PAGR1: variants seen among roughly 807,000 people sequenced by gnomAD.
The protein encoded by PAGR1 is PAXIP1 associated glutamate rich protein 1.
PAGR1 carries 20 observed loss-of-function variants against 22.4 expected under a neutral mutation model. That is an observed-to-expected ratio of 0.89 (90% CI 0.63 to 1.30). The LOEUF (loss-of-function observed/expected upper bound fraction) is 1.30. PAGR1 is among the 50% of genes most tolerant of loss of function. PAGR1 has a pLI of 0.00. For synonymous variants in PAGR1, 161 were observed against 148.3 expected (o/e 1.09, Z -0.62); for missense variants, 338 against 343.6 (o/e 0.98, Z 0.13).
At position 29,819,303 on chromosome 16, in the gene PAGR1, G is replaced by A. The variant is rs113956763; in HGVS notation, c.566-252G>A. ...TTGAACAGAACTCTGTTCTTGTCCT[G>A]GGGCCTCTACCCTTGCCATTCCCCT... On this transcript the variant is annotated intron_variant, in intron 2 of 2. Coordinates refer to ENST00000320330, the MANE Select transcript of PAGR1 (RefSeq NM_024516.4). 856 of 514,110 alleles carry A rather than the reference G, an allele frequency of 1.7e-3. 3 individuals carry two copies. Among genetic ancestry groups the A allele is most frequent in the African/African-American group, 8.5e-3 (446 of 52,414 alleles). 31.8% of individuals were successfully genotyped at this position (514,110 alleles called of 1,614,324 possible).
Position 29,821,516 on chromosome 16 carries a change from C to T in PAGR1, c.*1762C>T, listed in dbSNP as rs1192312860. Reference sequence around the variant, plus strand: ...GGGGAGCAGAGGCTGGGCGCTGGCCCAACTTACAGGAAACACTCACCTTTG... The same window carrying T: ...GGGGAGCAGAGGCTGGGCGCTGGCCTAACTTACAGGAAACACTCACCTTTG... On this transcript the variant is annotated 3_prime_UTR_variant, in exon 3 of 3. Transcript: ENST00000320330. 1.3e-5 allele frequency: 2 copies of T among 152,446 alleles called. No homozygotes were observed. Among genetic ancestry groups the T allele is most frequent in the Non-Finnish European group, 2.9e-5 (2 of 68,244 alleles). The allele number at this position is 152,446 out of a possible 1,614,324, so 9.4% of individuals were successfully genotyped here.
In PAGR1 at chr16:29,819,863, G is replaced by A. The variant is rs1900325044; in HGVS notation, c.*109G>A. The A allele has an allele frequency of 2.4e-6, 3 of 1,232,180 alleles. No homozygotes were observed. In the South Asian group the frequency reaches 4.6e-5, roughly 19 times the overall value. The allele number at this position is 1,232,180 out of a possible 1,614,324, so 76.3% of individuals were successfully genotyped here. ...CTTGGGAAGAAGAGAGAAACCTCAAGCTCCCAAACAGCACGTTGCGGGAAA... is the reference window on the plus strand; with the variant it reads ...CTTGGGAAGAAGAGAGAAACCTCAAACTCCCAAACAGCACGTTGCGGGAAA... On this transcript the variant is annotated 3_prime_UTR_variant, in exon 3 of 3. Coordinates refer to ENST00000320330, the MANE Select transcript of PAGR1 (RefSeq NM_024516.4).
chr16:29,819,346 C>G (rs764944325), intron 2 of PAGR1: 22 of 601,326 alleles, frequency 3.7e-5, no homozygotes, highest in Non-Finnish European at 5.6e-5. Context: ...ATGTTCCTCC[C>G]TGTTCTTCAC....
chr16:29,816,513 G>A lies in PAGR1; in HGVS notation c.-13G>A. The stretch of plus-strand genomic sequence containing the variant: ...CAGTATCTGTCGTCGCAGGGTCCCT[G>A]CCCTAGTGGCCTATGTCCCTTGCTC... On this transcript the variant is annotated 5_prime_UTR_variant, in exon 1 of 3. Transcript: ENST00000320330. 6.7e-7 allele frequency: 1 copy of A among 1,495,220 alleles called. No individual in the cohort carries two copies. Among genetic ancestry groups the A allele is most frequent in the Non-Finnish European group, 8.9e-7 (1 of 1,123,320 alleles). 92.6% of individuals were successfully genotyped at this position (1,495,220 alleles called of 1,614,324 possible).
At position 29,820,554 on chromosome 16, in the gene PAGR1, G is replaced by T. The variant is rs888870431; in HGVS notation, c.*800G>T. On this transcript the variant is annotated 3_prime_UTR_variant, in exon 3 of 3. Transcript: ENST00000320330. ...CCCCCCAAACCCCAAATCAGGGGCA[G>T]ATCTTTGTATCCCTTGAGGCTCTCT... is the stretch of plus-strand genomic sequence containing the variant. 6.6e-6 allele frequency: 1 copy of T among 152,382 alleles called. No homozygotes were observed. The highest frequency in any genetic ancestry group is 6.5e-5 in the Admixed American group (1 of 15,276). 9.4% of individuals were successfully genotyped at this position (152,382 alleles called of 1,614,324 possible).
chr16:29,817,424 C>T, intron 2 of PAGR1, 132 bp downstream of exon 2: 1 of 739,448 alleles, frequency 1.4e-6, no homozygotes, highest in South Asian at 1.6e-5. Flanking sequence ...AGAGTATTCA[C>T]CCAGTAGCAC....
Position 29,817,026 on chromosome 16 carries a change from A to C in PAGR1, c.482+19A>C, listed in dbSNP as rs1304008161. ...AGGAAAAGTAAAGGCACACCCTTAC[A>C]CCTTGTCCCGGGGCTGCTCCCCTGA... On this transcript the variant is annotated intron_variant, in intron 1 of 2. Transcript: ENST00000320330. The C allele has an allele frequency of 6.4e-7, 1 of 1,556,742 alleles. No individual in the cohort carries two copies. Among genetic ancestry groups the C allele is most frequent in the Non-Finnish European group, 8.7e-7 (1 of 1,151,860 alleles).
Position 29,819,469 on chromosome 16 carries a change from G to C in PAGR1, c.566-86G>C, listed in dbSNP as rs1900316108. The C allele has an allele frequency of 3.6e-5, 51 of 1,424,108 alleles. No individual in the cohort carries two copies. In the South Asian group the frequency reaches 5.9e-4, roughly 17 times the overall value. The allele number at this position is 1,424,108 out of a possible 1,614,324, so 88.2% of individuals were successfully genotyped here. The stretch of plus-strand genomic sequence containing the variant: ...GCCTGGGGACCTGCATGTTTAACCA[G>C]CTCCCCAAGTGATGAGTGAGGTCCA... On this transcript the variant is annotated intron_variant, in intron 2 of 2. Coordinates refer to ENST00000320330, the MANE Select transcript of PAGR1 (RefSeq NM_024516.4).
Position 29,816,448 on chromosome 16 carries a change from C to CA in PAGR1, c.-77dup. On this transcript the variant is annotated 5_prime_UTR_variant, in exon 1 of 3. Transcript: ENST00000320330. ...TTGGCTGGAAACGGTCCCGAACCCC[C>CA]AGGGGAGCCCGATCCCTGGGGGACC... The CA allele has an allele frequency of 7.3e-7, 1 of 1,361,168 alleles. No individual in the cohort carries two copies. The highest frequency in any genetic ancestry group is 2.7e-5 in the East Asian group (1 of 37,606). 84.3% of individuals were successfully genotyped at this position (1,361,168 alleles called of 1,614,324 possible).
chr16:29,819,475 C>G, intron 2 of PAGR1, 80 bp from the exon 3 acceptor site: 1 of 1,469,466 alleles, frequency 6.8e-7, no homozygotes, highest in South Asian at 1.2e-5. Flanking sequence ...ACCAGCTCCC[C>G]AAGTGATGAG....
Position 29,816,756 on chromosome 16 carries a change from A to G in PAGR1, c.231A>G (p.Glu77=). ...AQGEVPSAGG[E]EPAEEDSEDW... is the part of the protein sequence containing the mutation. ...GAGAAGTCCCCAGCGCTGGGGGAGA[A>G]GAGCCTGCCGAGGAGGACTCCGAGG... The change falls in exon 1 of 3, where the codon GAA becomes GAG. Residue 77 remains glutamate (E), a synonymous_variant. Coordinates refer to ENST00000320330, the MANE Select transcript of PAGR1 (RefSeq NM_024516.4). The G allele has an allele frequency of 6.3e-7, 1 of 1,593,112 alleles. No homozygotes were observed.
intron 2 of PAGR1, among the ~76,000 whole-genome samples, chr16:29,818,771 G>A (rs963797332): frequency 6.6e-6 from 1 of 152,062 alleles, no homozygotes; most frequent in Admixed American, 6.6e-5. Flanking sequence ...CCATGTTGGC[G>A]AGGCTGGTCT....
chr16:29,817,039 G>C (rs761989761), intron 1 of PAGR1, 32 bp downstream of exon 1: 1 of 1,554,554 alleles, frequency 6.4e-7, no homozygotes, highest in Non-Finnish European at 8.7e-7. Context: ...TTGTCCCGGG[G>C]CTGCTCCCCT....
At chr16:29,819,231 T>C (rs1033468369) in intron 2 of PAGR1, among the ~76,000 whole-genome samples, 2 of 152,148 alleles carry the variant, frequency 1.3e-5, no homozygotes, top group African/African-American at 4.8e-5. Context: ...CCTCCCAAAG[T>C]GCTGGCATTA....
At position 29,817,284 on chromosome 16, in the gene PAGR1, G is replaced by T; in HGVS notation, c.557G>T (p.Arg186Leu). 1 of 1,613,880 alleles carries T rather than the reference G, an allele frequency of 6.2e-7. No homozygotes were observed. Among genetic ancestry groups the T allele is most frequent in the Non-Finnish European group, 8.5e-7 (1 of 1,179,912 alleles). Residue 186 changes from arginine to leucine, a missense_variant, in exon 2 of 3, where the codon CGC (arginine) becomes CTC (leucine). Coordinates refer to ENST00000320330, the MANE Select transcript of PAGR1 (RefSeq NM_024516.4). ...TPKDSLIDRR[R>L]TPGSSARSQK... Reference sequence around the variant, plus strand: ...AAGGACTCCCTGATTGACCGGAGACGCACCCCAGGTACAAACGAAGAGGAA... The same window carrying T: ...AAGGACTCCCTGATTGACCGGAGACTCACCCCAGGTACAAACGAAGAGGAA...
Position 29,820,534 on chromosome 16 carries a change from CA to C in PAGR1, c.*783del, listed in dbSNP as rs1362843933. 18 of 152,338 alleles carry C rather than the reference CA, an allele frequency of 1.2e-4. No homozygotes were observed. The highest frequency in any genetic ancestry group is 1.2e-3 in the Admixed American group (18 of 15,274). 9.4% of individuals were successfully genotyped at this position (152,338 alleles called of 1,614,324 possible). On this transcript the variant is annotated 3_prime_UTR_variant, in exon 3 of 3. Transcript: ENST00000320330. ...ATGTGAGTACATTGTACTAGCCCCC[CA>C]AACCCCAAATCAGGGGCAGATCTTT...
rs780235528 is a variant in PAGR1 at position 29,819,782 on chromosome 16, A to G, written c.*28A>G. The G allele has an allele frequency of 6.3e-6, 10 of 1,594,504 alleles. No homozygotes were observed. The East Asian group carries it at 9.0e-5, about 14-fold the overall frequency. ...CCCACTGCTCCTGCCTCTAGGGTGC[A>G]GTGTCCGTACCTGCTGGAGCCTGGG... On this transcript the variant is annotated 3_prime_UTR_variant, in exon 3 of 3. Transcript: ENST00000320330.
Position 29,816,212 on chromosome 16 carries a change from C to T in PAGR1, c.-314C>T, listed in dbSNP as rs1418104115. 6 of 393,290 alleles carry T rather than the reference C, an allele frequency of 1.5e-5. No homozygotes were observed. Among genetic ancestry groups the T allele is most frequent in the Admixed American group, 4.1e-5 (1 of 24,152 alleles). 24.4% of individuals were successfully genotyped at this position (393,290 alleles called of 1,614,324 possible). A position where few individuals can be genotyped will look rare whatever the true frequency, so the allele number is the denominator to read the frequency against. ...ACTGAAAGGTCTGGGGAGAAGGCGC[C>T]GTGTCCGGGTGTGGAGAGGGGCGTC... On this transcript the variant is annotated 5_prime_UTR_variant, in exon 1 of 3. Coordinates refer to ENST00000320330, the MANE Select transcript of PAGR1 (RefSeq NM_024516.4).
At position 29,819,733 on chromosome 16, in the gene PAGR1, C is replaced by T. The variant is rs776404415; in HGVS notation, c.744C>T (p.Phe248=). The T allele has an allele frequency of 2.5e-6, 4 of 1,611,896 alleles. No homozygotes were observed. The South Asian group carries it at 3.3e-5, about 13-fold the overall frequency. The change falls in exon 3 of 3, where the codon TTC becomes TTT. Residue 248 remains phenylalanine, a synonymous_variant. Coordinates refer to ENST00000320330, the MANE Select transcript of PAGR1 (RefSeq NM_024516.4). Reference sequence around the variant, plus strand: ...TCCGATCCTCCGGGAGTAGTCTCTTCCCTCGGCAGCGGAAATACTGATTCC... The same window carrying T: ...TCCGATCCTCCGGGAGTAGTCTCTTTCCTCGGCAGCGGAAATACTGATTCC... The part of the protein sequence containing the change: ...PPLRSSGSSL[F]PRQRKY
Sources: gnomAD v4.1 joint callset for allele counts (sites outside exome capture counted in the v4.1 genomes callset) on GRCh38, gnomAD v4.1.1 for gene constraint, MANE v1.5 for transcripts, NCBI Gene and HGNC (gene_info 2026-07-23, HGNC 2026-07-21) for gene names.